Variants in FGFR2 observed in about 807,000 individuals in gnomAD.
FGFR2 encodes fibroblast growth factor receptor 2, also known as BEK fibroblast growth factor receptor.
A neutral mutation model predicts 95.9 loss-of-function variants in FGFR2; 19 were observed. The observed-to-expected ratio is 0.20, with a 90% CI of 0.14 to 0.29. FGFR2 has a LOEUF of 0.29. Among genes scored for constraint, FGFR2 ranks in the 10% least tolerant of loss-of-function variants. The pLI, the probability that FGFR2 is intolerant of heterozygous loss-of-function variation, is 1.00. For synonymous variants in FGFR2, 392 were observed against 393.3 expected (o/e 1.00, Z 0.04); for missense variants, 707 against 1,056.9 (o/e 0.67, Z 4.59).
chr10:121,492,324 C>T (rs1486077257), intron 13 of FGFR2, among the ~76,000 whole-genome samples: 1 of 152,138 alleles, frequency 6.6e-6, no homozygotes, highest in Admixed American at 6.5e-5. Context: ...ACCCTATTAC[C>T]TAATTGCATT....
chr10:121,492,628 C>T (rs796566584), intron 13 of FGFR2, among the ~76,000 whole-genome samples: 2 of 152,218 alleles, frequency 1.3e-5, no homozygotes, highest in Non-Finnish European at 1.5e-5. Flanking sequence ...AGGGCCGGAC[C>T]CTTTGCCTGG....
chr10:121,509,547 G>A (rs961346921), intron 9 of FGFR2, among the ~76,000 whole-genome samples: 29 of 118,234 alleles, frequency 2.5e-4, no homozygotes, highest in African/African-American at 9.4e-4. Context: ...ATCCAGGCAC[G>A]ATCTTGGCTC....
In FGFR2 at chr10:121,598,230, T is replaced by C; in HGVS notation, c.-419A>G. 1 of 396,782 alleles carries C rather than the reference T, an allele frequency of 2.5e-6. No individual in the cohort carries two copies. The allele number at this position is 396,782 out of a possible 1,614,324, so 24.6% of individuals were successfully genotyped here. On this transcript the variant is annotated 5_prime_UTR_variant, in exon 1 of 18. Coordinates refer to ENST00000358487, the MANE Select transcript of FGFR2 (RefSeq NM_000141.5). Reference sequence around the variant, plus strand: ...TGGCGTTGCCTCCACCAAACTTTGCTCGCGAGTTGCGAAGGCTCAGAGCGC... The same window carrying C: ...TGGCGTTGCCTCCACCAAACTTTGCCCGCGAGTTGCGAAGGCTCAGAGCGC...
intron 2 of FGFR2, among the ~76,000 whole-genome samples, chr10:121,574,760 C>T (rs1037683003): frequency 6.6e-6 from 1 of 152,074 alleles, no homozygotes; most frequent in African/African-American, 2.4e-5. Context: ...ATAGGTACTA[C>T]GTGTTCTTTA....
At chr10:121,534,979 T>C (rs1028057337) in intron 6 of FGFR2, among the ~76,000 whole-genome samples, 2 of 152,192 alleles carry the variant, frequency 1.3e-5, no homozygotes, top group Non-Finnish European at 2.9e-5. Context: ...TTTGCAAAAG[T>C]ACTTAAGTTA....
chr10:121,515,416 C>T (rs751444757), intron 8 of FGFR2, 97 bp from the exon 9 acceptor site: 41 of 1,250,206 alleles, frequency 3.3e-5, no homozygotes, highest in Middle Eastern at 2.5e-4. Context: ...AACCAAAAGG[C>T]GACGACCATT....
chr10:121,594,158 G>A (rs1863102191), intron 1 of FGFR2, 191 bp from the exon 2 acceptor site: 1 of 475,526 alleles, frequency 2.1e-6, no homozygotes, highest in African/African-American at 1.9e-5. Flanking sequence ...AGAAATGTGT[G>A]AGGCTAATCT....
In FGFR2 at chr10:121,565,645, A is replaced by C. The variant is rs1158629849; in HGVS notation, c.169T>G (p.Ser57Ala). ...PEVYVAAPGE[S>A]LEVRCLLKDA... is the part of the protein sequence containing the mutation. The stretch of plus-strand genomic sequence containing the variant: ...TTCAACAGGCAGCGCACCTCTAGCG[A>C]CTCCCCTGGCGCAGCCACGTACACT... Residue 57 changes from serine to alanine, a missense_variant, in exon 3 of 18, where the codon TCG (serine) becomes GCG (alanine). Ser to Ala is a moderately conservative substitution (Grantham distance 99). Transcript: ENST00000358487. 6.2e-7 allele frequency: 1 copy of C among 1,613,542 alleles called. No homozygotes were observed. The highest frequency in any genetic ancestry group is 1.7e-5 in the Admixed American group (1 of 59,938).
At chr10:121,551,231 G>GTAAA (rs1187390583) in intron 5 of FGFR2, 59 bp downstream of exon 5, 1 of 1,582,000 alleles carries the variant, frequency 6.3e-7, no homozygotes, top group Non-Finnish European at 8.7e-7. Flanking sequence ...AAAAAAAAAT[G>GTAAA]TAAATAAATA....
chr10:121,579,226 T>C (rs1367565936), intron 2 of FGFR2, among the ~76,000 whole-genome samples: 1 of 152,168 alleles, frequency 6.6e-6, no homozygotes, highest in Non-Finnish European at 1.5e-5. Flanking sequence ...TCTGTATATT[T>C]AAAGTGAGGG....
chr10:121,540,129 A>C (rs974968046), intron 5 of FGFR2, among the ~76,000 whole-genome samples: 3 of 152,186 alleles, frequency 2.0e-5, no homozygotes, highest in Non-Finnish European at 2.9e-5. Context: ...AACAGAGTAC[A>C]AGCAGTGAGT....
chr10:121,571,993 G>T (rs4751844), intron 2 of FGFR2, among the ~76,000 whole-genome samples: 28,190 of 150,806 alleles, frequency 0.19, 2,794 homozygotes, highest in Non-Finnish European at 0.23. Flanking sequence ...TTAAAAATGA[G>T]AGAGACAGGT....
At chr10:121,509,047 C>T (rs1397596276) in intron 9 of FGFR2, among the ~76,000 whole-genome samples, 4 of 152,254 alleles carry the variant, frequency 2.6e-5, no homozygotes, top group African/African-American at 9.6e-5. Flanking sequence ...TCCCACTGCT[C>T]ATCTCTGAAA....
intron 17 of FGFR2, chr10:121,482,242 AAAC>A: frequency 6.6e-7 from 1 of 1,504,240 alleles, no homozygotes; most frequent in South Asian, 1.1e-5. Flanking sequence ...CTTATACTAG[AAAC>A]AACAATTTTG....
intron 2 of FGFR2, among the ~76,000 whole-genome samples, chr10:121,574,352 A>T (rs1859345417): frequency 6.6e-6 from 1 of 152,014 alleles, no homozygotes; most frequent in Admixed American, 6.6e-5. Context: ...AACAAGACGA[A>T]ACCCCGTCTC....
At chr10:121,548,241 T>G (rs1213087020) in intron 5 of FGFR2, among the ~76,000 whole-genome samples, 4 of 132,742 alleles carry the variant, frequency 3.0e-5, no homozygotes, top group Admixed American at 8.3e-5. Context: ...CTGCCGCTTT[T>G]GGCCTTTTTT....
At chr10:121,572,471 T>A (rs1046213509) in intron 2 of FGFR2, among the ~76,000 whole-genome samples, 2 of 152,024 alleles carry the variant, frequency 1.3e-5, no homozygotes, top group Non-Finnish European at 2.9e-5. Flanking sequence ...TATAAAAAAT[T>A]AGCTGGGCGT....
chr10:121,525,427 C>A (rs1026515237), intron 6 of FGFR2, among the ~76,000 whole-genome samples: 2 of 152,142 alleles, frequency 1.3e-5, no homozygotes, highest in Admixed American at 1.3e-4. Flanking sequence ...TCTCTCCCAG[C>A]GTTCTCTCTC....
chr10:121,561,839 G>C (rs760557801), intron 4 of FGFR2, among the ~76,000 whole-genome samples: 2 of 152,168 alleles, frequency 1.3e-5, no homozygotes, highest in Non-Finnish European at 2.9e-5. Context: ...CTTATAACTC[G>C]ACAGTAAGAA....
Sources: gnomAD v4.1 joint callset for allele counts (sites outside exome capture counted in the v4.1 genomes callset) on GRCh38, gnomAD v4.1.1 for gene constraint, MANE v1.5 for transcripts, NCBI Gene and HGNC (gene_info 2026-07-23, HGNC 2026-07-21) for gene names.